CDH12: variants seen among roughly 807,000 people sequenced by gnomAD.
The protein encoded by CDH12 is cadherin-12.
In CDH12, 41 loss-of-function variants were observed where a neutral mutation model predicts 74.1. That is an observed-to-expected ratio of 0.55 (90% CI 0.43 to 0.72). The LOEUF (loss-of-function observed/expected upper bound fraction) is 0.72. CDH12 is among the 30% of genes least tolerant of loss of function. The probability of loss-of-function intolerance (pLI) is 0.00; values close to 1 mark genes in which losing one functional copy is unlikely to be tolerated. For synonymous variants in CDH12, 399 were observed against 355.0 expected, an observed-to-expected ratio of 1.12 and a Z score of -1.39; for missense variants, 945 against 977.2, an observed-to-expected ratio of 0.97 and a Z score of 0.44.
chr5:22,030,405 A>G (rs1738733166), intron 5 of CDH12, among the ~76,000 whole-genome samples: 1 of 152,188 alleles, frequency 6.6e-6, no homozygotes. Context: ...GAATACCTTT[A>G]TCAGAGCTCT....
intron 1 of CDH12, among the ~76,000 whole-genome samples, chr5:22,783,835 G>A (rs142222322): frequency 3.3e-5 from 5 of 152,202 alleles, no homozygotes; most frequent in South Asian, 4.1e-4. Context: ...CGTCATGGGA[G>A]TAAGCAAGAT....
chr5:22,030,231 T>C (rs1398537865), intron 5 of CDH12, among the ~76,000 whole-genome samples: 1 of 151,838 alleles, frequency 6.6e-6, no homozygotes, highest in African/African-American at 2.4e-5. Context: ...AACCTGCACA[T>C]TGTACACATG....
intron 6 of CDH12, among the ~76,000 whole-genome samples, chr5:21,857,818 A>G (rs1283394947): frequency 6.6e-6 from 1 of 151,888 alleles, no homozygotes; most frequent in Non-Finnish European, 1.5e-5. Context: ...CCTAAACAAT[A>G]GAAATCTACG....
At chr5:22,549,726 C>T (rs150802459) in intron 1 of CDH12, among the ~76,000 whole-genome samples, 109 of 152,230 alleles carry the variant, frequency 7.2e-4, no homozygotes, top group Middle Eastern at 3.4e-3. Context: ...AATCTAAAAA[C>T]CAAGGATCCA....
chr5:22,643,212 C>T (rs1261342360), intron 1 of CDH12, among the ~76,000 whole-genome samples: 1 of 152,130 alleles, frequency 6.6e-6, no homozygotes, highest in Non-Finnish European at 1.5e-5. Flanking sequence ...CAATCGTTTT[C>T]TCAGCCCATA....
intron 3 of CDH12, among the ~76,000 whole-genome samples, chr5:22,257,557 T>C (rs761542591): frequency 3.9e-5 from 6 of 152,024 alleles, no homozygotes; most frequent in Admixed American, 6.6e-5. Context: ...TAGCGTGCAG[T>C]GGCGCGATCT....
chr5:22,722,338 C>T (rs1182690931), intron 1 of CDH12, among the ~76,000 whole-genome samples: 4 of 152,220 alleles, frequency 2.6e-5, no homozygotes, highest in Non-Finnish European at 4.4e-5. Flanking sequence ...TAGCAAGTTA[C>T]AACCAAGTCC....
At chr5:22,182,500 T>C (rs1186169984) in intron 4 of CDH12, among the ~76,000 whole-genome samples, 1 of 152,194 alleles carries the variant, frequency 6.6e-6, no homozygotes, top group Non-Finnish European at 1.5e-5. Flanking sequence ...TAAAAGAATA[T>C]TTTGCCTGTT....
At chr5:22,252,838 T>C (rs1162372811) in intron 3 of CDH12, among the ~76,000 whole-genome samples, 2 of 151,918 alleles carry the variant, frequency 1.3e-5, no homozygotes, top group African/African-American at 4.8e-5. Flanking sequence ...TTTTTTTTTC[T>C]CACCTCCCTG....
intron 2 of CDH12, among the ~76,000 whole-genome samples, chr5:22,468,445 T>C (rs1580680706): frequency 2.0e-5 from 3 of 152,306 alleles, no homozygotes; most frequent in Admixed American, 6.5e-5. Context: ...AAATGCCTCA[T>C]TTGGCAGGTA....
At chr5:22,399,929 T>A (rs1473202213) in intron 3 of CDH12, among the ~76,000 whole-genome samples, 1 of 152,188 alleles carries the variant, frequency 6.6e-6, no homozygotes, top group African/African-American at 2.4e-5. Flanking sequence ...TCTTAAAATA[T>A]AATAATATTT....
chr5:22,625,430 C>A (rs897773230), intron 1 of CDH12, among the ~76,000 whole-genome samples: 1 of 152,182 alleles, frequency 6.6e-6, no homozygotes, highest in Non-Finnish European at 1.5e-5. Flanking sequence ...AACCCACGAT[C>A]CCATGGACAC....
intron 1 of CDH12, among the ~76,000 whole-genome samples, chr5:22,616,984 C>T (rs1435412699): frequency 6.6e-6 from 1 of 152,076 alleles, no homozygotes; most frequent in Non-Finnish European, 1.5e-5. Flanking sequence ...CCTGCCTCAA[C>T]TTCCTGAGTA....
intron 6 of CDH12, among the ~76,000 whole-genome samples, chr5:21,884,769 T>TA (rs1242964154): frequency 9.2e-5 from 14 of 152,170 alleles, no homozygotes; most frequent in African/African-American, 2.9e-4. Flanking sequence ...TTTGTTTAGT[T>TA]AAAAAAAAGT....
intron 7 of CDH12, among the ~76,000 whole-genome samples, chr5:21,843,933 T>G (rs1750017314): frequency 6.6e-6 from 1 of 152,196 alleles, no homozygotes; most frequent in Admixed American, 6.6e-5. Context: ...ACCGAGTCTA[T>G]CTTAATTCAT....
At chr5:22,681,676 A>G (rs1303377298) in intron 1 of CDH12, among the ~76,000 whole-genome samples, 1 of 152,150 alleles carries the variant, frequency 6.6e-6, no homozygotes, top group Non-Finnish European at 1.5e-5. Context: ...ATCTATAAGT[A>G]AAGGAATACA....
chr5:22,023,238 A>G (rs556775692), intron 5 of CDH12, among the ~76,000 whole-genome samples: 2 of 152,204 alleles, frequency 1.3e-5, no homozygotes, highest in East Asian at 3.9e-4. Context: ...CTTTTCTTGT[A>G]TGTAGAAATT....
chr5:22,485,428 C>G (rs954054915), intron 2 of CDH12, among the ~76,000 whole-genome samples: 24 of 152,176 alleles, frequency 1.6e-4, no homozygotes, highest in African/African-American at 5.6e-4. Flanking sequence ...TGGCTTCAAG[C>G]AAGACTCCTT....
intron 3 of CDH12, among the ~76,000 whole-genome samples, chr5:22,356,517 C>T (rs747737469): frequency 1.3e-5 from 2 of 152,042 alleles, no homozygotes; most frequent in Non-Finnish European, 2.9e-5. Flanking sequence ...GGTGGGCCTC[C>T]ACAATTTGTT....
Sources: gnomAD v4.1 joint callset for allele counts (sites outside exome capture counted in the v4.1 genomes callset) on GRCh38, gnomAD v4.1.1 for gene constraint, MANE v1.5 for transcripts, NCBI Gene and HGNC (gene_info 2026-07-23, HGNC 2026-07-21) for gene names.